NUP155: variants seen among roughly 807,000 people sequenced by gnomAD.
NUP155 encodes the protein nucleoporin 155, also known as nuclear pore complex protein Nup155.
A neutral mutation model predicts 180.4 loss-of-function variants in NUP155; 71 were observed. The observed-to-expected ratio is 0.39, with a 90% CI of 0.33 to 0.48. The LOEUF (loss-of-function observed/expected upper bound fraction) is 0.48, where lower values mean the gene tolerates loss of function less well. Among genes scored for constraint, NUP155 ranks in the 20% least tolerant of loss-of-function variants. The probability of loss-of-function intolerance (pLI) is 0.91; values close to 1 mark genes in which losing one functional copy is unlikely to be tolerated. For missense variants in NUP155, 1,553 were observed against 1,648.9 expected (o/e 0.94, Z 1.01); for synonymous variants, 582 against 559.5 (o/e 1.04, Z -0.57).
At chr5:37,302,388 A>G (rs1157426286) in intron 29 of NUP155, among the ~76,000 whole-genome samples, 2 of 151,288 alleles carry the variant, frequency 1.3e-5, no homozygotes, top group African/African-American at 4.9e-5. Context: ...GTGTGCCACC[A>G]CCCCCGGCTA....
chr5:37,318,195 A>T, intron 20 of NUP155, 110 bp from the exon 21 acceptor site: 1 of 757,290 alleles, frequency 1.3e-6, no homozygotes, highest in Non-Finnish European at 2.3e-6. Context: ...ATAATTCAGA[A>T]GGTTGGGCAA....
At chr5:37,355,556 T>TAC (rs1326648838) in intron 4 of NUP155, among the ~76,000 whole-genome samples, 3 of 138,328 alleles carry the variant, frequency 2.2e-5, no homozygotes, top group African/African-American at 9.1e-5. Flanking sequence ...TGTATATATA[T>TAC]ATATATTTAT....
At chr5:37,339,337 C>T (rs1745561072) in intron 11 of NUP155, among the ~76,000 whole-genome samples, 1 of 149,770 alleles carries the variant, frequency 6.7e-6, no homozygotes, top group Admixed American at 6.7e-5. Flanking sequence ...GCAATTATCT[C>T]AACAAAACTT....
chr5:37,365,738 A>AAATATAT lies in NUP155; in HGVS notation c.158-1355_158-1354insATATATT, dbSNP rs1561818758. ...GAAAAAAAAAAAAAAAAAAAAAAAA[A>AAATATAT]ATATATATATATATACACACACACA... is the stretch of plus-strand genomic sequence containing the variant. On this transcript the variant is annotated intron_variant, in intron 1 of 34. Transcript: ENST00000231498. 1.3e-3 allele frequency among the ~76,000 whole-genome samples: 47 copies of AAATATAT among 37,134 alleles called. 2 individuals carry two copies. Among genetic ancestry groups the AAATATAT allele is most frequent in the South Asian group, 1.6e-3 (1 of 638 alleles). The allele number at this position is 37,134 out of a possible 152,430, so 24.4% of individuals were successfully genotyped here.
intron 29 of NUP155, among the ~76,000 whole-genome samples, chr5:37,301,965 C>T (rs74958945): frequency 0.16 from 24,284 of 152,094 alleles, 1,988 homozygotes; most frequent in South Asian, 0.2. Context: ...AGCAGAGGCC[C>T]TAGGGAATGG....
intron 1 of NUP155, 98 bp downstream of exon 1, chr5:37,370,723 A>G (rs1747906314): frequency 6.2e-7 from 1 of 1,611,258 alleles, no homozygotes; most frequent in African/African-American, 1.3e-5. Flanking sequence ...CATAAATCTC[A>G]GCATATCCTC....
chr5:37,313,908 C>A (rs1743693835), intron 22 of NUP155, among the ~76,000 whole-genome samples: 1 of 152,142 alleles, frequency 6.6e-6, no homozygotes, highest in Non-Finnish European at 1.5e-5. Flanking sequence ...TAGCTTTTAT[C>A]AGATTCTCAG....
chr5:37,316,841 T>C (rs1317386022), intron 21 of NUP155, among the ~76,000 whole-genome samples: 1 of 151,052 alleles, frequency 6.6e-6, no homozygotes, highest in Non-Finnish European at 1.5e-5. Flanking sequence ...ATGAATATAC[T>C]GAATGCCACT....
At chr5:37,311,688 T>G (rs2150949960) in intron 22 of NUP155, among the ~76,000 whole-genome samples, 1 of 151,934 alleles carries the variant, frequency 6.6e-6, no homozygotes, top group African/African-American at 2.4e-5. Flanking sequence ...TTTACAGAAT[T>G]GCAGCTAGTA....
intron 22 of NUP155, among the ~76,000 whole-genome samples, chr5:37,313,946 A>AATTT (rs1003184041): frequency 1.3e-5 from 2 of 152,118 alleles, no homozygotes; most frequent in African/African-American, 4.8e-5. Context: ...ATAAAGGGTA[A>AATTT]AGTCCACTGT....
intron 12 of NUP155, among the ~76,000 whole-genome samples, chr5:37,335,041 C>G (rs1275404115): frequency 6.6e-6 from 1 of 151,762 alleles, no homozygotes; most frequent in Non-Finnish European, 1.5e-5. Flanking sequence ...GCCTGTAATC[C>G]CAGCTACTCT....
chr5:37,353,892 G>T (rs1160679766), intron 4 of NUP155, among the ~76,000 whole-genome samples: 2 of 152,152 alleles, frequency 1.3e-5, no homozygotes, highest in Admixed American at 1.3e-4. Flanking sequence ...AACGTGAATG[G>T]ACTTAATACC....
chr5:37,369,638 C>T (rs1357284309), intron 1 of NUP155, among the ~76,000 whole-genome samples: 1 of 150,934 alleles, frequency 6.6e-6, no homozygotes, highest in Non-Finnish European at 1.5e-5. Context: ...TTATAAGACA[C>T]GCTCATTGGT....
chr5:37,354,441 AGT>A (rs1301250411), intron 4 of NUP155, among the ~76,000 whole-genome samples: 2 of 136,564 alleles, frequency 1.5e-5, no homozygotes, highest in African/African-American at 5.5e-5. Flanking sequence ...CAACGCACCC[AGT>A]GTCTTTATTT....
rs1021002313 is a variant in NUP155, at chr5:37,332,313, CTTTTTTTTTTT to C, written c.1519-529_1519-519del. ...GCAATTGAGGTTTCTGCCATTACAG[CTTTTTTTTTTT>C]TTTTTTTTTTTTTTTTAGACGGAGT... is the stretch of plus-strand genomic sequence containing the variant. On this transcript the variant is annotated intron_variant, in intron 13 of 34. Transcript: ENST00000231498. 2.6e-4 allele frequency among the ~76,000 whole-genome samples: 23 copies of C among 87,706 alleles called. 1 individual carries two copies. Among genetic ancestry groups the C allele is most frequent in the African/African-American group, 1.2e-3 (22 of 17,720 alleles). The allele number at this position is 87,706 out of a possible 152,430, so 57.5% of individuals were successfully genotyped here.
In NUP155 at chr5:37,309,365, G is replaced by A. The variant is rs550042363; in HGVS notation, c.2629-98C>T. ...TAGTCTATGTCTAAATTTATATATGGTTATTACCATTAAAATGAAAACAAC... is the reference window on the plus strand; with the variant it reads ...TAGTCTATGTCTAAATTTATATATGATTATTACCATTAAAATGAAAACAAC... On this transcript the variant is annotated intron_variant, in intron 23 of 34. Coordinates refer to ENST00000231498, the MANE Select transcript of NUP155 (RefSeq NM_153485.3). 4 of 891,388 alleles carry A rather than the reference G, an allele frequency of 4.5e-6. No individual in the cohort carries two copies. In the Admixed American group the frequency reaches 8.1e-5, roughly 18 times the overall value. The allele number at this position is 891,388 out of a possible 1,614,324, so 55.2% of individuals were successfully genotyped here.
At chr5:37,368,912 G>C (rs537756201) in intron 1 of NUP155, among the ~76,000 whole-genome samples, 12 of 152,168 alleles carry the variant, frequency 7.9e-5, no homozygotes, top group Non-Finnish European at 1.2e-4. Flanking sequence ...AATGGCAGTG[G>C]GAACACAGAG....
At chr5:37,355,937 T>G (rs1355946666) in intron 4 of NUP155, among the ~76,000 whole-genome samples, 1 of 151,876 alleles carries the variant, frequency 6.6e-6, no homozygotes, top group Non-Finnish European at 1.5e-5. Flanking sequence ...TGATAAGAGA[T>G]TTGGCATTAT....
rs140479036 is a variant in NUP155 at position 37,330,523 on chromosome 5, G to A, written c.1630-391C>T. ...TCCTCATACCACATCCTATTATAAT[G>A]TATAAGGAAACTGAAGCCCAGAGAA... On this transcript the variant is annotated intron_variant, in intron 14 of 34. Transcript: ENST00000231498. 2.1e-3 allele frequency among the ~76,000 whole-genome samples: 314 copies of A among 152,240 alleles called. 1 individual carries two copies. The highest frequency in any genetic ancestry group is 7.3e-3 in the African/African-American group (303 of 41,540).
Sources: allele counts gnomAD v4.1 joint callset (sites outside exome capture counted in the v4.1 genomes callset), GRCh38; gene constraint gnomAD v4.1.1; transcripts MANE v1.5; gene names NCBI Gene and HGNC (gene_info 2026-07-23, HGNC 2026-07-21).